The following KCNMA1 variants were observed in gnomAD, a reference collection of about 807,000 sequenced individuals.
The protein encoded by KCNMA1 is Calcium-activated potassium channel subunit alpha-1.
A neutral mutation model predicts 140.0 loss-of-function variants in KCNMA1; 29 were observed. The ratio of observed to expected loss-of-function variants is 0.21; its 90% confidence interval spans 0.15 to 0.28. The LOEUF is 0.28. Among genes scored for constraint, KCNMA1 ranks in the 10% least tolerant of loss-of-function variants. KCNMA1 has a pLI of 1.00. For synonymous variants in KCNMA1, 612 were observed against 611.9 expected, an observed-to-expected ratio of 1.00 and a Z score of 0.00; for missense variants, 880 against 1,602.2, an observed-to-expected ratio of 0.55 and a Z score of 7.70.
chr10:76,953,126 C>G (rs754490256), intron 21 of KCNMA1, among the ~76,000 whole-genome samples: 5 of 152,160 alleles, frequency 3.3e-5, no homozygotes, highest in Admixed American at 2.0e-4. Context: ...CGAAATAGGG[C>G]TCTGAGCCCC....
intron 1 of KCNMA1, among the ~76,000 whole-genome samples, chr10:77,623,513 C>T (rs927668759): frequency 4.9e-4 from 74 of 151,208 alleles, no homozygotes; most frequent in African/African-American, 1.7e-3. Context: ...CTGGCCAACA[C>T]GGTAAAACCC....
chr10:77,501,196 A>G (rs143362248), intron 1 of KCNMA1, among the ~76,000 whole-genome samples: 1 of 152,364 alleles, frequency 6.6e-6, no homozygotes, highest in African/African-American at 2.4e-5. Flanking sequence ...ACTGAGAAGA[A>G]GAAGAATAGT....
At chr10:77,231,358 G>A (rs1234744436) in intron 3 of KCNMA1, among the ~76,000 whole-genome samples, 1 of 152,142 alleles carries the variant, frequency 6.6e-6, no homozygotes, top group African/African-American at 2.4e-5. Context: ...AAGCGTGTGA[G>A]TTTTATATTG....
At chr10:77,590,615 C>G (rs2078824385) in intron 1 of KCNMA1, among the ~76,000 whole-genome samples, 1 of 152,240 alleles carries the variant, frequency 6.6e-6, no homozygotes, top group Non-Finnish European at 1.5e-5. Flanking sequence ...CCGGCCTTGG[C>G]CACCCCAGAA....
At chr10:77,297,106 T>C (rs947080423) in intron 2 of KCNMA1, among the ~76,000 whole-genome samples, 1 of 152,198 alleles carries the variant, frequency 6.6e-6, no homozygotes, top group Non-Finnish European at 1.5e-5. Context: ...ACGGAGGTCC[T>C]ACCCCCTGTG....
At position 77,285,461 on chromosome 10, in the gene KCNMA1, T is replaced by G. The variant is rs370075704; in HGVS notation, c.541-34205A>C. 2.4e-4 allele frequency among the ~76,000 whole-genome samples: 36 copies of G among 152,330 alleles called. 1 individual carries two copies. The East Asian group carries it at 3.7e-3, about 15-fold the overall frequency. ...GGAATTTCAAGAACATGCATCTATT[T>G]TCTACAGGCAGTGGTATGAGAGAAA... On this transcript the variant is annotated intron_variant, in intron 2 of 27. Transcript: ENST00000286628.
chr10:76,876,411 G>A (rs2032388645), downstream of KCNMA1: 1 of 152,582 alleles, frequency 6.6e-6, no homozygotes, highest in Admixed American at 6.6e-5. Flanking sequence ...CAGTTGCCGG[G>A]AGACTGTACA....
At chr10:76,965,747 A>G (rs2073665857) in intron 20 of KCNMA1, among the ~76,000 whole-genome samples, 1 of 152,202 alleles carries the variant, frequency 6.6e-6, no homozygotes, top group Non-Finnish European at 1.5e-5. Context: ...ACTCACCTGT[A>G]AAATGGGGGC....
At chr10:77,356,796 T>C (rs564746371) in intron 2 of KCNMA1, among the ~76,000 whole-genome samples, 30 of 152,238 alleles carry the variant, frequency 2.0e-4, no homozygotes, top group Admixed American at 1.8e-3. Flanking sequence ...ACCTTCCATC[T>C]CCAGGAGTGA....
intron 1 of KCNMA1, among the ~76,000 whole-genome samples, chr10:77,567,016 C>T (rs539166952): frequency 7.5e-4 from 114 of 152,230 alleles, no homozygotes; most frequent in Admixed American, 3.3e-3. Flanking sequence ...TACTCAAGAC[C>T]TTCCCAGTTC....
intron 23 of KCNMA1, among the ~76,000 whole-genome samples, chr10:76,937,917 G>A (rs2060983536): frequency 6.6e-6 from 1 of 150,566 alleles, no homozygotes; most frequent in South Asian, 2.1e-4. Context: ...GTGCGTATGT[G>A]TGTGTGTGTT....
intron 1 of KCNMA1, among the ~76,000 whole-genome samples, chr10:77,464,884 T>G (rs887746144): frequency 6.6e-6 from 1 of 152,220 alleles, no homozygotes; most frequent in Non-Finnish European, 1.5e-5. Flanking sequence ...TTCTAAATTA[T>G]TGCTTAACTT....
At chr10:77,377,573 A>C (rs996466936) in intron 2 of KCNMA1, among the ~76,000 whole-genome samples, 1 of 152,148 alleles carries the variant, frequency 6.6e-6, no homozygotes, top group African/African-American at 2.4e-5. Context: ...TGCTCTACTG[A>C]GAATCCCAAG....
chr10:77,057,556 A>T (rs2095585492), intron 14 of KCNMA1, among the ~76,000 whole-genome samples: 1 of 152,106 alleles, frequency 6.6e-6, no homozygotes, highest in African/African-American at 2.4e-5. Flanking sequence ...ACATTGTCTG[A>T]TATAGTTTGC....
chr10:77,085,672 T>A (rs932955643), intron 11 of KCNMA1, among the ~76,000 whole-genome samples: 1 of 152,198 alleles, frequency 6.6e-6, no homozygotes, highest in South Asian at 2.1e-4. Context: ...CTGATTTCTT[T>A]AATAATATAA....
chr10:77,108,195 T>G lies in KCNMA1; in HGVS notation c.1223+286A>C. The G allele has an allele frequency of 2.0e-6, 2 of 1,016,980 alleles. No individual in the cohort carries two copies. Among genetic ancestry groups the G allele is most frequent in the African/African-American group, 1.6e-5 (1 of 61,440 alleles). The allele number at this position is 1,016,980 out of a possible 1,614,324, so 63.0% of individuals were successfully genotyped here. The stretch of plus-strand genomic sequence containing the variant: ...GGCCTTCCCTCACAGAAGCACCCGG[T>G]GGGGTTGGGGAGGGGCAGAATTCAG... On this transcript the variant is annotated intron_variant, in intron 9 of 27. Transcript: ENST00000286628. The surrounding 1 kb of genome is among the most constrained non-coding windows in gnomAD (Gnocchi z 4.6).
chr10:77,001,663 G>A, intron 18 of KCNMA1, 83 bp from the exon 19 acceptor site: 1 of 1,149,828 alleles, frequency 8.7e-7, no homozygotes, highest in Non-Finnish European at 1.2e-6. Context: ...CTGGAAGGGA[G>A]CTGAAGGGAT....
At chr10:77,120,790 G>C (rs895914444) in intron 6 of KCNMA1, among the ~76,000 whole-genome samples, 183 bp downstream of exon 6, 3 of 152,054 alleles carry the variant, frequency 2.0e-5, no homozygotes, top group Non-Finnish European at 2.9e-5. Flanking sequence ...ATAGTTCCCT[G>C]GCCCTGCAGA....
chr10:76,958,984 G>A (rs1029304728), intron 20 of KCNMA1, among the ~76,000 whole-genome samples: 1 of 152,032 alleles, frequency 6.6e-6, no homozygotes, highest in Non-Finnish European at 1.5e-5. Context: ...TCCATTTAAG[G>A]GGGGGAAAAA....
Sources: gnomAD v4.1 joint callset for allele counts (sites outside exome capture counted in the v4.1 genomes callset) on GRCh38, gnomAD v4.1.1 for gene constraint, Gnocchi (gnomAD v3.1) non-coding constraint, MANE v1.5 for transcripts, NCBI Gene and HGNC (gene_info 2026-07-23, HGNC 2026-07-21) for gene names.